MYT1L: variants seen among roughly 807,000 people sequenced by gnomAD.
MYT1L encodes the protein myelin transcription factor 1 like.
A neutral mutation model predicts 126.7 loss-of-function variants in MYT1L; 12 were observed. The ratio of observed to expected loss-of-function variants is 0.09; its 90% CI spans 0.06 to 0.15. The LOEUF is 0.15. MYT1L is among the 10% of genes least tolerant of loss of function. The pLI is 1.00. For missense variants in MYT1L, 979 were observed against 1,585.2 expected (o/e 0.62, Z 6.49); for synonymous variants, 541 against 604.2 (o/e 0.90, Z 1.53).
chr2:2,164,370 A>G (rs1312809524), intron 3 of MYT1L, among the ~76,000 whole-genome samples: 1 of 151,256 alleles, frequency 6.6e-6, no homozygotes, highest in Non-Finnish European at 1.5e-5. Flanking sequence ...TTTGTGTTTC[A>G]TTTTGTTTTT....
chr2:1,860,042 C>G (rs2044386912), intron 18 of MYT1L, among the ~76,000 whole-genome samples: 1 of 152,248 alleles, frequency 6.6e-6, no homozygotes, highest in Admixed American at 6.5e-5. Context: ...TAGGACTCTT[C>G]ACTTATCCCT....
rs74425975 is a variant in MYT1L, at chr2:1,959,588, T to C, written c.153-16254A>G. Among the ~76,000 whole-genome samples the C allele has an allele frequency of 2.7e-4, 41 of 152,330 alleles. No homozygotes were observed. In the East Asian group the frequency reaches 7.3e-3, roughly 27 times the overall value. ...ACACACCTCCTCCCAGTCAATTCTA[T>C]AGCTCCTTCAAAGGTCAGCAGGAGG... On this transcript the variant is annotated intron_variant, in intron 8 of 24. Transcript: ENST00000647738.
At chr2:2,238,675 C>T (rs1206160165) in intron 2 of MYT1L, among the ~76,000 whole-genome samples, 1 of 152,204 alleles carries the variant, frequency 6.6e-6, no homozygotes, top group Admixed American at 6.5e-5. Context: ...GTTACAATCT[C>T]CGTGTAGGAG....
intron 8 of MYT1L, among the ~76,000 whole-genome samples, chr2:1,957,396 T>C (rs936514456): frequency 3.3e-5 from 5 of 152,138 alleles, no homozygotes; most frequent in Non-Finnish European, 5.9e-5. Flanking sequence ...ACCCAATATG[T>C]AGTCTTTTAT....
chr2:2,314,272 C>T (rs1276650129), intron 1 of MYT1L, among the ~76,000 whole-genome samples: 2 of 152,108 alleles, frequency 1.3e-5, no homozygotes, highest in Non-Finnish European at 2.9e-5. Flanking sequence ...TGTATAACTC[C>T]CCCCATGTCA....
chr2:2,196,337 G>A (rs116312002), intron 2 of MYT1L, among the ~76,000 whole-genome samples: 4,127 of 152,130 alleles, frequency 0.027, 87 homozygotes, highest in Non-Finnish European at 0.042. Flanking sequence ...TCTGCATTAA[G>A]TGAAATGCTA....
intron 3 of MYT1L, among the ~76,000 whole-genome samples, chr2:2,074,800 T>C (rs2075032822): frequency 6.6e-6 from 1 of 152,174 alleles, no homozygotes; most frequent in Non-Finnish European, 1.5e-5. Flanking sequence ...AGTCAGTCTG[T>C]TAACTTTTGA....
intron 1 of MYT1L, among the ~76,000 whole-genome samples, chr2:2,298,962 C>A (rs1023067647): frequency 1.3e-5 from 2 of 152,190 alleles, no homozygotes; most frequent in Non-Finnish European, 2.9e-5. Flanking sequence ...AAGTGCTTCT[C>A]CTGCCTCAGC....
intron 18 of MYT1L, among the ~76,000 whole-genome samples, chr2:1,858,000 T>G (rs1195585364): frequency 6.6e-6 from 1 of 152,104 alleles, no homozygotes; most frequent in Non-Finnish European, 1.5e-5. Context: ...GCAGCTGGGA[T>G]TACGGGCATG....
chr2:2,152,461 T>C (rs1334811251), intron 3 of MYT1L, among the ~76,000 whole-genome samples: 1 of 152,180 alleles, frequency 6.6e-6, no homozygotes, highest in Admixed American at 6.5e-5. Context: ...ATACCGTAGG[T>C]TCCAGACCAG....
intron 23 of MYT1L, among the ~76,000 whole-genome samples, chr2:1,797,959 C>T (rs181208486): frequency 2.4e-4 from 10 of 42,456 alleles, no homozygotes; most frequent in Admixed American, 2.9e-4. Flanking sequence ...GCGGTCTCCC[C>T]CTTCTCCGGC....
rs778055244 is a variant in MYT1L, at chr2:1,922,272, G to C, written c.1483+14C>G. 1.2e-6 allele frequency: 2 copies of C among 1,608,274 alleles called. No homozygotes were observed. The highest frequency in any genetic ancestry group is 1.7e-6 in the Non-Finnish European group (2 of 1,175,716). ...TGTTTTCATGAGGCAACTTACGTTA[G>C]GTAGAAATATTACCTTTACCATAGT... On this transcript the variant is annotated intron_variant, in intron 10 of 24. Coordinates refer to ENST00000647738, the MANE Select transcript of MYT1L (RefSeq NM_001303052.2). The surrounding 1 kb of genome is among the most constrained non-coding windows in gnomAD (Gnocchi z 7.4).
At chr2:1,971,611 G>T (rs187078633) in intron 8 of MYT1L, among the ~76,000 whole-genome samples, 23 of 152,168 alleles carry the variant, frequency 1.5e-4, no homozygotes, top group African/African-American at 4.6e-4. Context: ...TGCACCTGTA[G>T]TCCCAGCTAC....
At chr2:2,006,521 C>T (rs1358519099) in intron 4 of MYT1L, among the ~76,000 whole-genome samples, 2 of 152,038 alleles carry the variant, frequency 1.3e-5, no homozygotes, top group Admixed American at 6.5e-5. Context: ...CTCCCCATCA[C>T]CCCCCACCCA....
chr2:2,320,130 A>G (rs1389854539), intron 1 of MYT1L, among the ~76,000 whole-genome samples: 5 of 152,120 alleles, frequency 3.3e-5, no homozygotes, highest in Non-Finnish European at 1.5e-5. Flanking sequence ...AAGGAGAACA[A>G]AAGGGAGAAC....
chr2:2,089,544 C>T (rs1044798141), intron 3 of MYT1L, among the ~76,000 whole-genome samples: 1 of 152,128 alleles, frequency 6.6e-6, no homozygotes, highest in Non-Finnish European at 1.5e-5. Flanking sequence ...AAATGACTGT[C>T]ATTTATATGG....
At chr2:2,078,371 A>G (rs1287008652) in intron 3 of MYT1L, among the ~76,000 whole-genome samples, 1 of 152,214 alleles carries the variant, frequency 6.6e-6, no homozygotes, top group Non-Finnish European at 1.5e-5. Flanking sequence ...TTGATTAAAC[A>G]TCCCAATCAA....
intron 4 of MYT1L, among the ~76,000 whole-genome samples, chr2:2,029,437 A>T (rs1354775227): frequency 6.6e-6 from 1 of 152,052 alleles, no homozygotes; most frequent in East Asian, 1.9e-4. Context: ...GTGCAGGGGA[A>T]CTCCCATTTA....
At chr2:2,320,190 T>C (rs879486434) in intron 1 of MYT1L, among the ~76,000 whole-genome samples, 1 of 152,090 alleles carries the variant, frequency 6.6e-6, no homozygotes, top group Non-Finnish European at 1.5e-5. Context: ...CATAGTCCCC[T>C]GATCTTGAGC....
Sources: allele counts gnomAD v4.1 joint callset (sites outside exome capture counted in the v4.1 genomes callset), GRCh38; gene constraint gnomAD v4.1.1; non-coding constraint Gnocchi (gnomAD v3.1); transcripts MANE v1.5; gene names NCBI Gene and HGNC (gene_info 2026-07-23, HGNC 2026-07-21).